SERGEF: variants seen among roughly 807,000 people sequenced by gnomAD.
SERGEF encodes the protein secretion regulating guanine nucleotide exchange factor.
Under a neutral mutation model 50.0 loss-of-function variants are expected in SERGEF, and 51 were observed. The observed-to-expected ratio is 1.02, with a 90% CI of 0.81 to 1.29. The LOEUF (loss-of-function observed/expected upper bound fraction) is 1.29, where lower values mean the gene tolerates loss of function less well. SERGEF is among the 50% of genes most tolerant of loss of function. The probability of loss-of-function intolerance (pLI) is 0.00; values close to 1 mark genes in which losing one functional copy is unlikely to be tolerated. For missense variants in SERGEF, 521 were observed against 557.0 expected, an observed-to-expected ratio of 0.94 and a Z score of 0.65; for synonymous variants, 205 against 212.4, an observed-to-expected ratio of 0.97 and a Z score of 0.30.
At chr11:17,862,143 T>A (rs952430316) in intron 10 of SERGEF, among the ~76,000 whole-genome samples, 3 of 152,196 alleles carry the variant, frequency 2.0e-5, no homozygotes, top group African/African-American at 7.2e-5. Flanking sequence ...CAGTTTGCCA[T>A]GCCTTCTCCA....
At chr11:17,996,461 T>C (rs1002231232) in intron 5 of SERGEF, among the ~76,000 whole-genome samples, 2 of 152,214 alleles carry the variant, frequency 1.3e-5, no homozygotes, top group Non-Finnish European at 2.9e-5. Context: ...AGTAAATACA[T>C]ATTTATGACT....
At chr11:17,902,473 G>A (rs564471689) in intron 9 of SERGEF, among the ~76,000 whole-genome samples, 6 of 152,282 alleles carry the variant, frequency 3.9e-5, no homozygotes, top group Middle Eastern at 3.4e-3. Flanking sequence ...CAGAGTTGGT[G>A]AGTGCAGATG....
intron 6 of SERGEF, 109 bp downstream of exon 6, chr11:17,995,687 G>C: frequency 1.3e-6 from 1 of 758,598 alleles, no homozygotes; most frequent in South Asian, 1.7e-5. Flanking sequence ...GAAAGTTAGA[G>C]AGACCAAGAA....
At chr11:17,963,830 A>C (rs527450936) in intron 8 of SERGEF, among the ~76,000 whole-genome samples, 1 of 152,364 alleles carries the variant, frequency 6.6e-6, no homozygotes, top group African/African-American at 2.4e-5. Flanking sequence ...CCTGTGAGTT[A>C]GGCACTTTTA....
chr11:18,004,304 C>T lies in SERGEF; in HGVS notation c.447+137G>A, dbSNP rs570221411. The T allele has an allele frequency of 4.8e-4, 269 of 563,478 alleles. 8 individuals are homozygous for T. In the South Asian group the frequency reaches 7.0e-3, roughly 15 times the overall value. 34.9% of individuals were successfully genotyped at this position (563,478 alleles called of 1,614,324 possible). On this transcript the variant is annotated intron_variant, in intron 4 of 10. Coordinates refer to ENST00000265965, the MANE Select transcript of SERGEF (RefSeq NM_012139.4). ...CCCAACTTAATTTTTCCCAGAAGGA[C>T]CTATTTTTCAACTCAAATTCTCCTA...
intron 1 of SERGEF, among the ~76,000 whole-genome samples, chr11:18,011,122 G>A (rs1048570996): frequency 1.4e-5 from 2 of 143,212 alleles, no homozygotes; most frequent in African/African-American, 5.4e-5. Flanking sequence ...CATATCACAC[G>A]TGCACATGCA....
intron 8 of SERGEF, among the ~76,000 whole-genome samples, chr11:17,964,019 C>T (rs1445234520): frequency 6.6e-6 from 1 of 151,802 alleles, no homozygotes; most frequent in Admixed American, 6.6e-5. Context: ...GGCTTGGCAC[C>T]CCATTAGATG....
Position 17,902,325 on chromosome 11 carries a change from G to A in SERGEF, c.1012-24081C>T, listed in dbSNP as rs56990839. Among the ~76,000 whole-genome samples, 1,402 of 152,322 alleles carry A rather than the reference G, an allele frequency of 9.2e-3. 124 individuals are homozygous for A. The East Asian group carries it at 0.2, about 22-fold the overall frequency. ...ACTCTGCATGATGTATGAAAGGACA[G>A]AGGACCAGAAGATCACTAAGAGGCT... On this transcript the variant is annotated intron_variant, in intron 9 of 10. Coordinates refer to ENST00000265965, the MANE Select transcript of SERGEF (RefSeq NM_012139.4).
At chr11:17,929,229 G>GA (rs1172729296) in intron 9 of SERGEF, among the ~76,000 whole-genome samples, 3 of 152,238 alleles carry the variant, frequency 2.0e-5, no homozygotes, top group Non-Finnish European at 4.4e-5. Context: ...ATGCCCCCAA[G>GA]AAAAAACTCC....
Position 18,008,095 on chromosome 11 carries a change from A to G in SERGEF, c.61-19T>C. 6.2e-7 allele frequency: 1 copy of G among 1,606,740 alleles called. No homozygotes were observed. The highest frequency in any genetic ancestry group is 1.1e-5 in the South Asian group (1 of 90,312). ...TTGCACCCTAGGGATGAATAAGCCA[A>G]GGATGAAAAAGTGTGGGAACCACAA... On this transcript the variant is annotated intron_variant, in intron 1 of 10. Transcript: ENST00000265965.
At chr11:17,968,142 C>T (rs148693158) in intron 8 of SERGEF, among the ~76,000 whole-genome samples, 15 of 152,342 alleles carry the variant, frequency 9.8e-5, no homozygotes, top group Non-Finnish European at 1.9e-4. Flanking sequence ...GTATTCCCCA[C>T]AGCACCTAAC....
chr11:17,976,255 T>G (rs1413822768), intron 8 of SERGEF, among the ~76,000 whole-genome samples: 1 of 152,056 alleles, frequency 6.6e-6, no homozygotes, highest in East Asian at 1.9e-4. Flanking sequence ...TGGCTCACAT[T>G]GAGAGCACTT....
At chr11:17,863,959 C>G (rs1332799136) in intron 10 of SERGEF, among the ~76,000 whole-genome samples, 1 of 152,218 alleles carries the variant, frequency 6.6e-6, no homozygotes, top group Non-Finnish European at 1.5e-5. Context: ...TAGAAATTGT[C>G]TAGTCCAGCT....
At chr11:17,940,415 A>C (rs1229027991) in intron 9 of SERGEF, among the ~76,000 whole-genome samples, 2 of 152,010 alleles carry the variant, frequency 1.3e-5, no homozygotes, top group Non-Finnish European at 2.9e-5. Flanking sequence ...ACCACCGCCC[A>C]CCCAACTGTA....
At chr11:17,998,812 G>A (rs1223558071) in intron 5 of SERGEF, among the ~76,000 whole-genome samples, 2 of 142,720 alleles carry the variant, frequency 1.4e-5, no homozygotes, top group Non-Finnish European at 3.0e-5. Context: ...GAGCAAGAAG[G>A]TGGTCACCTA....
chr11:17,911,327 T>TTATA (rs948587637), intron 9 of SERGEF, among the ~76,000 whole-genome samples: 2 of 145,890 alleles, frequency 1.4e-5, no homozygotes, highest in South Asian at 4.2e-4. Context: ...TTTATATATA[T>TTATA]TATATATATA....
At position 18,006,676 on chromosome 11, in the gene SERGEF, G is replaced by A. The variant is rs760163300; in HGVS notation, c.267C>T (p.Ile89=). 1.2e-6 allele frequency: 2 copies of A among 1,614,006 alleles called. No homozygotes were observed. Among genetic ancestry groups the A allele is most frequent in the African/African-American group, 1.3e-5 (1 of 74,884 alleles). Residue 89 remains isoleucine (I), a synonymous_variant, in exon 3 of 11, where the codon ATC becomes ATT. Transcript: ENST00000265965. ...GGGATTTGCAGGGGGTAAAATATGG[G>A]ATATCCTCTGTGTGACCAAGCCCCA... ...GQLGLGHTED[I]PYFTPCKSLF...
chr11:18,008,834 G>A (rs1854136508), intron 1 of SERGEF, among the ~76,000 whole-genome samples: 1 of 151,910 alleles, frequency 6.6e-6, no homozygotes, highest in African/African-American at 2.4e-5. Flanking sequence ...ACTATCCAGC[G>A]TGTTTCAAAT....
intron 10 of SERGEF, among the ~76,000 whole-genome samples, chr11:17,824,300 CAAAAA>C (rs34840327): frequency 7.2e-6 from 1 of 139,512 alleles, no homozygotes; most frequent in Admixed American, 7.1e-5. Context: ...GACACCGTCT[CAAAAA>C]AAAAAAAAAG....
Sources: gnomAD v4.1 joint callset for allele counts (sites outside exome capture counted in the v4.1 genomes callset) on GRCh38, gnomAD v4.1.1 for gene constraint, MANE v1.5 for transcripts, NCBI Gene and HGNC (gene_info 2026-07-23, HGNC 2026-07-21) for gene names.